The following ATP9A variants were observed in gnomAD, a reference collection of about 807,000 sequenced individuals.
ATP9A encodes probable phospholipid-transporting ATPase IIA.
Under a neutral mutation model 144.1 loss-of-function variants are expected in ATP9A, and 52 were observed. The ratio of observed to expected loss-of-function variants is 0.36; its 90% CI spans 0.29 to 0.45. The LOEUF is 0.45. Ranked by LOEUF, ATP9A falls within the 20% of genes least tolerant of loss-of-function variation. The pLI, the probability that ATP9A is intolerant of heterozygous loss-of-function variation, is 1.00. For synonymous variants in ATP9A, 582 were observed against 557.4 expected (o/e 1.04, Z -0.62); for missense variants, 947 against 1,392.7 (o/e 0.68, Z 5.09).
chr20:51,626,547 A>AC (rs998505703), intron 17 of ATP9A, among the ~76,000 whole-genome samples: 1 of 151,438 alleles, frequency 6.6e-6, no homozygotes, highest in Non-Finnish European at 1.5e-5. Flanking sequence ...GCGGTGGCTC[A>AC]CACTTGTAAT....
intron 9 of ATP9A, among the ~76,000 whole-genome samples, chr20:51,678,267 G>A (rs1346481558): frequency 2.0e-5 from 3 of 152,030 alleles, no homozygotes; most frequent in Admixed American, 2.0e-4. Flanking sequence ...AAGCAATTTG[G>A]TCTCTGCCAG....
intron 25 of ATP9A, among the ~76,000 whole-genome samples, chr20:51,607,903 G>A (rs879603129): frequency 4.6e-5 from 7 of 151,998 alleles, no homozygotes; most frequent in Non-Finnish European, 1.0e-4. Context: ...AATTAGCCAG[G>A]CATGGTGGTG....
rs773668053 is a variant in ATP9A at position 51,671,803 on chromosome 20, AC to A, written c.1038-547del. ...TACTTACATTTCTATGAATTTGACT[AC>A]TTTTTTTTTTTTGAGACGAAGTCTC... On this transcript the variant is annotated intron_variant, in intron 11 of 27. Coordinates refer to ENST00000338821, the MANE Select transcript of ATP9A (RefSeq NM_006045.3). Among the ~76,000 whole-genome samples, 267 of 144,902 alleles carry A rather than the reference AC, an allele frequency of 1.8e-3. 1 individual carries two copies. Among genetic ancestry groups the A allele is most frequent in the African/African-American group, 4.5e-3 (181 of 39,870 alleles).
intron 1 of ATP9A, among the ~76,000 whole-genome samples, chr20:51,758,449 T>TAA (rs1341029463): frequency 6.6e-6 from 1 of 152,104 alleles, no homozygotes; most frequent in East Asian, 1.9e-4. Flanking sequence ...GTAAAGACAC[T>TAA]AAAAGAACAT....
At chr20:51,668,833 T>A (rs1475156480) in intron 13 of ATP9A, among the ~76,000 whole-genome samples, 1 of 152,112 alleles carries the variant, frequency 6.6e-6, no homozygotes, top group East Asian at 1.9e-4. Flanking sequence ...TGTCACACTG[T>A]CCCCTGCTCT....
At chr20:51,641,652 T>C (rs1271332231) in intron 14 of ATP9A, among the ~76,000 whole-genome samples, 1 of 149,916 alleles carries the variant, frequency 6.7e-6, no homozygotes, top group Non-Finnish European at 1.5e-5. Flanking sequence ...CCATCTCTAC[T>C]AAAAAAATAA....
rs138613640 is a variant in ATP9A, at chr20:51,610,344, C to T, written c.2572-179G>A. On this transcript the variant is annotated intron_variant, in intron 23 of 27. Coordinates refer to ENST00000338821, the MANE Select transcript of ATP9A (RefSeq NM_006045.3). ...CAACAACAACCCTATGAAGTAGGTA[C>T]GATTCTCATCATCCTCATTATGCAA... Among the ~76,000 whole-genome samples the T allele has an allele frequency of 6.5e-3, 988 of 152,252 alleles. 16 individuals are homozygous for T. Among genetic ancestry groups the T allele is most frequent in the African/African-American group, 0.023 (938 of 41,534 alleles).
At chr20:51,671,755 G>A (rs904600288) in intron 11 of ATP9A, among the ~76,000 whole-genome samples, 2 of 151,048 alleles carry the variant, frequency 1.3e-5, no homozygotes, top group African/African-American at 4.9e-5. Context: ...CCTAGCCCTG[G>A]CAGCCCCTGG....
chr20:51,607,492 G>A lies in ATP9A; in HGVS notation c.2803+35C>T, dbSNP rs200339048. 9 of 1,560,388 alleles carry A rather than the reference G, an allele frequency of 5.8e-6. No homozygotes were observed. The African/African-American group carries it at 1.1e-4, about 19-fold the overall frequency. On this transcript the variant is annotated intron_variant, in intron 26 of 27. Transcript: ENST00000338821. ...GGGGACACCCTGAGTCAGTACCAGA[G>A]CACAAGACAAACAGGTGTCTCCACT... is the stretch of plus-strand genomic sequence containing the variant.
intron 1 of ATP9A, among the ~76,000 whole-genome samples, chr20:51,733,370 T>C (rs560222986): frequency 6.6e-6 from 1 of 151,444 alleles, no homozygotes; most frequent in South Asian, 2.1e-4. Context: ...TGAGGCCCAT[T>C]CCTCATGCCT....
intron 9 of ATP9A, among the ~76,000 whole-genome samples, chr20:51,683,657 C>T (rs1230218669): frequency 1.3e-5 from 2 of 152,100 alleles, no homozygotes; most frequent in Non-Finnish European, 2.9e-5. Flanking sequence ...CTCAAGCAAT[C>T]CTCCTGCCTT....
At chr20:51,698,463 T>A (rs2073169688) in intron 4 of ATP9A, among the ~76,000 whole-genome samples, 2 of 152,180 alleles carry the variant, frequency 1.3e-5, no homozygotes, top group South Asian at 4.1e-4. Context: ...AGATAGAGGC[T>A]GCAGTGAGCC....
intron 19 of ATP9A, among the ~76,000 whole-genome samples, chr20:51,620,829 TG>T (rs1224046218): frequency 2.0e-5 from 3 of 152,042 alleles, no homozygotes; most frequent in African/African-American, 2.4e-5. Context: ...CAGGTGGGAA[TG>T]TGTGTCTCAG....
At chr20:51,710,697 G>A (rs1251352634) in intron 4 of ATP9A, among the ~76,000 whole-genome samples, 3 of 152,130 alleles carry the variant, frequency 2.0e-5, no homozygotes, top group Non-Finnish European at 2.9e-5. Context: ...GGACACCAGG[G>A]GCCGCAAAGA....
chr20:51,622,670 G>A (rs2077231712), intron 18 of ATP9A, among the ~76,000 whole-genome samples: 2 of 152,104 alleles, frequency 1.3e-5, no homozygotes, highest in South Asian at 2.1e-4. Flanking sequence ...CTTCCGTATC[G>A]TGCATTAGCT....
chr20:51,603,671 G>A (rs6013226), intron 27 of ATP9A, among the ~76,000 whole-genome samples: 5,863 of 152,164 alleles, frequency 0.039, 315 homozygotes, highest in African/African-American at 0.12. Context: ...ACAAGCCCAA[G>A]AGTACCTGGA....
Position 51,656,926 on chromosome 20 carries a change from G to T in ATP9A, c.1506+12C>A. On this transcript the variant is annotated intron_variant, in intron 14 of 27. Transcript: ENST00000338821. Reference sequence around the variant, plus strand: ...GGCCTCCCCATGCCTTGCTGCACCTGCCCAGGTTTACCTCATCGGGGCTGG... The same window carrying T: ...GGCCTCCCCATGCCTTGCTGCACCTTCCCAGGTTTACCTCATCGGGGCTGG... 1 of 1,611,470 alleles carries T rather than the reference G, an allele frequency of 6.2e-7. No individual in the cohort carries two copies. Among genetic ancestry groups the T allele is most frequent in the Non-Finnish European group, 8.5e-7 (1 of 1,178,800 alleles).
chr20:51,656,473 A>C (rs745860635), intron 14 of ATP9A, among the ~76,000 whole-genome samples: 6 of 152,184 alleles, frequency 3.9e-5, no homozygotes, highest in Non-Finnish European at 8.8e-5. Context: ...GAATCGCTCG[A>C]ACCCCAGAGT....
chr20:51,681,748 A>G (rs1346308422), intron 9 of ATP9A, among the ~76,000 whole-genome samples: 3 of 152,092 alleles, frequency 2.0e-5, no homozygotes, highest in African/African-American at 7.2e-5. Context: ...AATAAACTAT[A>G]AATCCCATGT....
Sources: allele counts gnomAD v4.1 joint callset (sites outside exome capture counted in the v4.1 genomes callset), GRCh38; gene constraint gnomAD v4.1.1; transcripts MANE v1.5; gene names NCBI Gene and HGNC (gene_info 2026-07-23, HGNC 2026-07-21).